The following RTN1 variants were observed in gnomAD, a reference collection of about 807,000 sequenced individuals.
RTN1 encodes the protein reticulon 1.
In RTN1, 25 loss-of-function variants were observed where a neutral mutation model predicts 65.5. The ratio of observed to expected loss-of-function variants is 0.38; its 90% CI spans 0.28 to 0.53. The LOEUF is 0.53. RTN1 is among the 20% of genes least tolerant of loss of function. The pLI is 0.79. For synonymous variants in RTN1, 471 were observed against 447.6 expected (o/e 1.05, Z -0.66); for missense variants, 983 against 1,025.4 (o/e 0.96, Z 0.57).
At chr14:59,636,199 T>C (rs1431649294) in intron 3 of RTN1, among the ~76,000 whole-genome samples, 1 of 152,204 alleles carries the variant, frequency 6.6e-6, no homozygotes, top group Admixed American at 6.5e-5. Flanking sequence ...TGTTGAAATA[T>C]GATTCCCAAT....
chr14:59,710,536 G>A (rs946119860), intron 3 of RTN1, among the ~76,000 whole-genome samples: 8 of 152,222 alleles, frequency 5.3e-5, no homozygotes, highest in African/African-American at 1.4e-4. Context: ...GGGGAATAAT[G>A]TCCTTGAGGT....
intron 3 of RTN1, among the ~76,000 whole-genome samples, chr14:59,616,531 T>C (rs556514462): frequency 6.5e-4 from 99 of 152,334 alleles, no homozygotes; most frequent in Non-Finnish European, 1.2e-3. Flanking sequence ...ACTTTATTTA[T>C]ATAAATGTTA....
intron 1 of RTN1, among the ~76,000 whole-genome samples, chr14:59,861,204 T>C (rs1224291899): frequency 6.6e-6 from 1 of 152,146 alleles, no homozygotes; most frequent in Non-Finnish European, 1.5e-5. Context: ...GGGAGGTAAT[T>C]GAATCATGGG....
At position 59,696,995 on chromosome 14, in the gene RTN1, T is replaced by G. The variant is rs1884077534; in HGVS notation, c.1765+29924A>C. On this transcript the variant is annotated intron_variant, in intron 3 of 8. Transcript: ENST00000267484. ...GCATTGTCAACTAGCCACTACATAC[T>G]CCTGAGTTATTTTTGATTGGCTTAT... 5.9e-5 allele frequency among the ~76,000 whole-genome samples: 9 copies of G among 152,336 alleles called. No homozygotes were observed. The South Asian group carries it at 1.9e-3, about 32-fold the overall frequency.
intron 1 of RTN1, among the ~76,000 whole-genome samples, chr14:59,759,138 AAAG>A (rs1466342163): frequency 6.6e-5 from 10 of 152,214 alleles, no homozygotes; most frequent in East Asian, 1.9e-4. Flanking sequence ...AGAAAAAAAC[AAAG>A]AAGAAGGATT....
chr14:59,826,096 A>G (rs1370624617), intron 1 of RTN1, among the ~76,000 whole-genome samples: 1 of 152,242 alleles, frequency 6.6e-6, no homozygotes, highest in East Asian at 1.9e-4. Flanking sequence ...AGTTTAGAAA[A>G]GCACCAACAA....
intron 3 of RTN1, among the ~76,000 whole-genome samples, chr14:59,622,440 T>C (rs1882280069): frequency 6.6e-6 from 1 of 152,226 alleles, no homozygotes; most frequent in African/African-American, 2.4e-5. Context: ...AAAAATGATA[T>C]GCTGTTGAAA....
At chr14:59,660,212 C>G (rs1883215732) in intron 3 of RTN1, among the ~76,000 whole-genome samples, 3 of 152,076 alleles carry the variant, frequency 2.0e-5, no homozygotes, top group Admixed American at 1.3e-4. Context: ...TATATGCACC[C>G]AATACAAGAG....
intron 1 of RTN1, among the ~76,000 whole-genome samples, chr14:59,828,265 T>C (rs993498371): frequency 6.6e-6 from 1 of 152,216 alleles, no homozygotes; most frequent in African/African-American, 2.4e-5. Flanking sequence ...TACTCCATGA[T>C]CTAATCATTC....
At chr14:59,678,782 C>T (rs1883682369) in intron 3 of RTN1, among the ~76,000 whole-genome samples, 1 of 152,166 alleles carries the variant, frequency 6.6e-6, no homozygotes. Context: ...TTTCTCAAAG[C>T]GTGACCACAG....
Position 59,757,790 on chromosome 14 carries a change from G to A in RTN1, c.242-11309C>T, listed in dbSNP as rs117572900. On this transcript the variant is annotated intron_variant, in intron 1 of 8. Transcript: ENST00000267484. ...GAACTGTAAGAGATAAATGTTTGCT[G>A]CTTATAAGCCACCTAGTTTATGGTG... Among the ~76,000 whole-genome samples the A allele has an allele frequency of 2.9e-3, 447 of 152,180 alleles. 14 individuals carry two copies. In the East Asian group the frequency reaches 0.05, roughly 17 times the overall value.
intron 2 of RTN1, among the ~76,000 whole-genome samples, chr14:59,731,076 A>G (rs1267031680): frequency 6.6e-6 from 1 of 152,246 alleles, no homozygotes; most frequent in Non-Finnish European, 1.5e-5. Context: ...AGCATTATTC[A>G]TAATAGCCAG....
In RTN1 at chr14:59,746,352, G is replaced by C; in HGVS notation, c.371C>G (p.Thr124Ser). The C allele has an allele frequency of 6.2e-7, 1 of 1,614,144 alleles. No homozygotes were observed. Among genetic ancestry groups the C allele is most frequent in the South Asian group, 1.1e-5 (1 of 91,086 alleles). The change falls in exon 2 of 9, where the codon ACT becomes AGT. Residue 124 changes from threonine to serine, a missense_variant. This residue lies in a region of RTN1 where 818 missense variants were observed against 801.8 expected (regional missense o/e 1.02). Transcript: ENST00000267484. ...GCCATTTTCCTTCTGAAGAATTCCA[G>C]TAAAATATGTAGAATCCTCCTGAGG... ...YPPQEDSTYF[T>S]GILQKENGHV... is the part of the protein sequence containing the mutation.
chr14:59,821,522 C>T (rs915909504), intron 1 of RTN1, among the ~76,000 whole-genome samples: 1 of 152,152 alleles, frequency 6.6e-6, no homozygotes, highest in Non-Finnish European at 1.5e-5. Context: ...TCTTGCCTGA[C>T]TGCTCTGGGT....
intron 1 of RTN1, among the ~76,000 whole-genome samples, chr14:59,842,774 T>C (rs780987873): frequency 4.8e-4 from 73 of 152,304 alleles, no homozygotes; most frequent in Admixed American, 1.0e-3. Flanking sequence ...GAACACCTCA[T>C]TGGTGGGGAG....
intron 3 of RTN1, among the ~76,000 whole-genome samples, chr14:59,713,658 G>C (rs1050562828): frequency 1.3e-5 from 2 of 152,220 alleles, no homozygotes; most frequent in African/African-American, 4.8e-5. Context: ...AAGTTTGCTA[G>C]TCTAGCCCTA....
intron 1 of RTN1, among the ~76,000 whole-genome samples, chr14:59,799,907 A>C (rs919732556): frequency 1.3e-5 from 2 of 152,166 alleles, no homozygotes; most frequent in African/African-American, 4.8e-5. Context: ...TGAACACTGA[A>C]AAAGACTTCC....
intron 1 of RTN1, among the ~76,000 whole-genome samples, chr14:59,780,762 G>A (rs1465766610): frequency 6.6e-6 from 1 of 152,198 alleles, no homozygotes; most frequent in Non-Finnish European, 1.5e-5. Flanking sequence ...TTTGGTAGTA[G>A]TGAATCCAAT....
chr14:59,854,313 T>C (rs1887563783), intron 1 of RTN1, among the ~76,000 whole-genome samples: 1 of 152,168 alleles, frequency 6.6e-6, no homozygotes, highest in Non-Finnish European at 1.5e-5. Flanking sequence ...AGCTAATTCC[T>C]TATTTAATGT....
Sources: allele counts gnomAD v4.1 joint callset (sites outside exome capture counted in the v4.1 genomes callset), GRCh38; gene constraint gnomAD v4.1.1; regional missense constraint gnomAD v4.1.1; transcripts MANE v1.5; gene names NCBI Gene and HGNC (gene_info 2026-07-23, HGNC 2026-07-21).